L3MBTL4: variants seen among roughly 807,000 people sequenced by gnomAD.
L3MBTL4 encodes L3MBTL histone methyl-lysine binding protein 4.
Under a neutral mutation model 84.5 loss-of-function variants are expected in L3MBTL4, and 70 were observed. That is an observed-to-expected ratio of 0.83 (90% CI 0.68 to 1.01). The LOEUF is 1.01. Ranked by LOEUF, L3MBTL4 falls within the 50% of genes least tolerant of loss-of-function variation. The pLI, the probability that L3MBTL4 is intolerant of heterozygous loss-of-function variation, is 0.00. For missense variants in L3MBTL4, 715 were observed against 754.8 expected, an observed-to-expected ratio of 0.95 and a Z score of 0.62; for synonymous variants, 274 against 259.8, an observed-to-expected ratio of 1.05 and a Z score of -0.52.
At chr18:6,326,288 A>G (rs1332537716) in intron 1 of L3MBTL4, 1 of 152,262 alleles carries the variant, frequency 6.6e-6, no homozygotes, top group African/African-American at 2.4e-5. Context: ...TCAGAGATTT[A>G]ACATCTGTGA....
chr18:6,139,567 C>T (rs2060133772), intron 13 of L3MBTL4, among the ~76,000 whole-genome samples: 1 of 152,016 alleles, frequency 6.6e-6, no homozygotes, highest in East Asian at 1.9e-4. Context: ...CTGGAACGTC[C>T]CATCCCATAC....
chr18:6,144,112 C>T (rs1311305037), intron 13 of L3MBTL4, among the ~76,000 whole-genome samples: 1 of 143,352 alleles, frequency 7.0e-6, no homozygotes, highest in Admixed American at 7.4e-5. Context: ...AAGAGAATGG[C>T]GTGAACCTGG....
At chr18:6,266,532 A>G (rs1014701620) in intron 4 of L3MBTL4, among the ~76,000 whole-genome samples, 1 of 152,206 alleles carries the variant, frequency 6.6e-6, no homozygotes, top group African/African-American at 2.4e-5. Flanking sequence ...CTCTCACTAG[A>G]ACATTTGAAA....
intron 10 of L3MBTL4, among the ~76,000 whole-genome samples, chr18:6,218,491 G>A (rs2046417368): frequency 6.6e-6 from 1 of 152,058 alleles, no homozygotes; most frequent in Admixed American, 6.6e-5. Context: ...TGGATGTGAG[G>A]TAAGTAAGAG....
At chr18:6,018,799 C>A (rs1037656520) in intron 16 of L3MBTL4, among the ~76,000 whole-genome samples, 1 of 152,176 alleles carries the variant, frequency 6.6e-6, no homozygotes, top group African/African-American at 2.4e-5. Context: ...TGGAAGCAAT[C>A]AGAGCAAAGA....
At chr18:6,366,855 A>G (rs180975164) in intron 1 of L3MBTL4, among the ~76,000 whole-genome samples, 2 of 152,392 alleles carry the variant, frequency 1.3e-5, no homozygotes, top group East Asian at 3.9e-4. Flanking sequence ...AGTGCTTTAA[A>G]AGGAAATTCG....
At chr18:6,115,197 G>A (rs928216346) in intron 14 of L3MBTL4, among the ~76,000 whole-genome samples, 6 of 152,172 alleles carry the variant, frequency 3.9e-5, no homozygotes, top group African/African-American at 1.4e-4. Flanking sequence ...CAGCCATTGG[G>A]AGGTGCTTAA....
At chr18:6,137,956 A>T (rs574768475) in intron 14 of L3MBTL4, among the ~76,000 whole-genome samples, 2 of 152,274 alleles carry the variant, frequency 1.3e-5, no homozygotes, top group African/African-American at 4.8e-5. Flanking sequence ...TTATTAGAAA[A>T]CAGAGATTCT....
rs1217779781 is a variant in L3MBTL4 at position 6,160,318 on chromosome 18, TCAGTGTTGCAAGTCAA to T, written c.1096+11494_1096+11509del. Among the ~76,000 whole-genome samples, 13 of 152,216 alleles carry T rather than the reference TCAGTGTTGCAAGTCAA, an allele frequency of 8.5e-5. No homozygotes were observed. The East Asian group carries it at 1.9e-3, about 23-fold the overall frequency. On this transcript the variant is annotated intron_variant, in intron 13 of 18. Coordinates refer to ENST00000317931, the MANE Select transcript of L3MBTL4 (RefSeq NM_001330559.2). Reference sequence around the variant, plus strand: ...TGTTTGGAGTCAGGAGTGTTCGGAGTCAGTGTTGCAAGTCAACAGTGTTGCAAGTCAGCAGTGTTAC... The same window carrying T: ...TGTTTGGAGTCAGGAGTGTTCGGAGTCAGTGTTGCAAGTCAGCAGTGTTAC...
chr18:5,999,676 A>C (rs906093874), intron 16 of L3MBTL4, among the ~76,000 whole-genome samples: 1 of 152,228 alleles, frequency 6.6e-6, no homozygotes, highest in Non-Finnish European at 1.5e-5. Context: ...AAGGCAGATA[A>C]ATTCCCTAGA....
intron 12 of L3MBTL4, among the ~76,000 whole-genome samples, chr18:6,181,999 C>T (rs993895464): frequency 6.6e-6 from 1 of 152,060 alleles, no homozygotes; most frequent in Admixed American, 6.5e-5. Flanking sequence ...TATGGTAGAA[C>T]GATTTATATT....
At chr18:6,381,309 T>C (rs1450721858) in intron 1 of L3MBTL4, among the ~76,000 whole-genome samples, 1 of 152,220 alleles carries the variant, frequency 6.6e-6, no homozygotes, top group Non-Finnish European at 1.5e-5. Flanking sequence ...TGTCTTTTAA[T>C]TGGGGCATTT....
chr18:6,129,366 C>CTGTGTGTGTGTGTGTGTGTG (rs761956097), intron 14 of L3MBTL4, among the ~76,000 whole-genome samples: 1 of 139,110 alleles, frequency 7.2e-6, no homozygotes, highest in Admixed American at 7.0e-5. Flanking sequence ...CTGGAATTCT[C>CTGTGTGTGTGTGTGTGTGTG]TCTGTGTGTG....
intron 1 of L3MBTL4, among the ~76,000 whole-genome samples, chr18:6,316,176 T>C (rs1044191742): frequency 6.6e-6 from 1 of 152,050 alleles, no homozygotes; most frequent in African/African-American, 2.4e-5. Flanking sequence ...CTAGTGCCGG[T>C]GCCTACTGCT....
intron 10 of L3MBTL4, among the ~76,000 whole-genome samples, chr18:6,217,087 T>C (rs2046357765): frequency 6.6e-6 from 1 of 152,162 alleles, no homozygotes; most frequent in African/African-American, 2.4e-5. Context: ...TTTTTACAAT[T>C]CCCCCATATT....
At chr18:6,076,675 TAA>T (rs5822885) in intron 16 of L3MBTL4, among the ~76,000 whole-genome samples, 1 of 151,540 alleles carries the variant, frequency 6.6e-6, no homozygotes, top group African/African-American at 2.4e-5. Context: ...TCTGCACTGG[TAA>T]AAAAAAATGT....
At chr18:5,964,681 T>C (rs1056126491) in intron 17 of L3MBTL4, among the ~76,000 whole-genome samples, 7 of 152,208 alleles carry the variant, frequency 4.6e-5, no homozygotes, top group African/African-American at 1.7e-4. Flanking sequence ...AATTTATATG[T>C]GGTGCTTTAA....
At chr18:6,263,279 A>AG (rs1323294601) in intron 5 of L3MBTL4, among the ~76,000 whole-genome samples, 1 of 152,004 alleles carries the variant, frequency 6.6e-6, no homozygotes, top group African/African-American at 2.4e-5. Context: ...CAAAAAAAAA[A>AG]AAAAAGAAAA....
At chr18:6,071,683 GAGAA>G (rs200360798) in intron 16 of L3MBTL4, among the ~76,000 whole-genome samples, 52,674 of 101,654 alleles carry the variant, frequency 0.52, 13,480 homozygotes, top group South Asian at 0.58. Context: ...AAAAGAAAGA[GAGAA>G]AGAAAGAAAG....
Sources: gnomAD v4.1 joint callset for allele counts (sites outside exome capture counted in the v4.1 genomes callset) on GRCh38, gnomAD v4.1.1 for gene constraint, MANE v1.5 for transcripts, NCBI Gene and HGNC (gene_info 2026-07-23, HGNC 2026-07-21) for gene names.